PSME4: variants seen among roughly 807,000 people sequenced by gnomAD.
The protein encoded by PSME4 is proteasome activator complex subunit 4.
PSME4 carries 89 observed loss-of-function variants against 253.9 expected under a neutral mutation model. That is an observed-to-expected ratio of 0.35 (90% CI 0.30 to 0.42). The LOEUF is 0.42. Ranked by LOEUF, PSME4 falls within the 10% of genes least tolerant of loss-of-function variation. The pLI is 1.00. For missense variants in PSME4, 2,014 were observed against 2,195.2 expected (o/e 0.92, Z 1.65); for synonymous variants, 851 against 759.2 (o/e 1.12, Z -1.99).
At chr2:53,948,869 A>G (rs540369588) in intron 2 of PSME4, among the ~76,000 whole-genome samples, 44 of 152,342 alleles carry the variant, frequency 2.9e-4, no homozygotes, top group African/African-American at 8.9e-4. Flanking sequence ...AAAAGAATCC[A>G]TGATCTTTGT....
chr2:53,927,596 AAC>A, intron 11 of PSME4, 113 bp from the exon 12 acceptor site: 1 of 809,918 alleles, frequency 1.2e-6, no homozygotes, highest in East Asian at 2.4e-5. Context: ...AAAATCCCAC[AAC>A]AGTTTTTCTG....
chr2:53,921,846 C>T (rs1328696881), intron 17 of PSME4, among the ~76,000 whole-genome samples: 2 of 116,556 alleles, frequency 1.7e-5, no homozygotes, highest in African/African-American at 6.1e-5. Flanking sequence ...CCAGCCTGGG[C>T]GACAGAGCGA....
In PSME4 at chr2:53,920,184, A is replaced by G; in HGVS notation, c.2420+9T>C. ...AACTGAATAACTCTAATTATAAAATAAAACCAACCTAGACATTTCAAGTTT... is the reference window on the plus strand; with the variant it reads ...AACTGAATAACTCTAATTATAAAATGAAACCAACCTAGACATTTCAAGTTT... On this transcript the variant is annotated intron_variant, in intron 19 of 46. Coordinates refer to ENST00000404125, the MANE Select transcript of PSME4 (RefSeq NM_014614.3). The G allele has an allele frequency of 6.3e-7, 1 of 1,588,738 alleles. No homozygotes were observed. Among genetic ancestry groups the G allele is most frequent in the South Asian group, 1.2e-5 (1 of 86,504 alleles).
Position 53,895,584 on chromosome 2 carries a change from T to G in PSME4, c.3841A>C (p.Lys1281Gln), listed in dbSNP as rs768669920. 6 of 1,606,962 alleles carry G rather than the reference T, an allele frequency of 3.7e-6. No individual in the cohort carries two copies. The African/African-American group carries it at 8.0e-5, about 22-fold the overall frequency. The change falls in exon 33 of 47, where the codon AAG becomes CAG. Residue 1281 changes from lysine to glutamine, a missense_variant and splice_region_variant. This residue lies in a region of PSME4 where 989 missense variants were observed against 1,021.1 expected (regional missense o/e 0.97). Coordinates refer to ENST00000404125, the MANE Select transcript of PSME4 (RefSeq NM_014614.3). ...TAAGGTGCACAGTAAGTTACTTACT[T>G]TGGCCAGGTGTAGTATCCCCAGTGA... ...KTHWGYYTWP[K>Q]NMVVYAGVEE...
chr2:53,900,751 G>C (rs990703412), intron 28 of PSME4, among the ~76,000 whole-genome samples: 1 of 152,142 alleles, frequency 6.6e-6, no homozygotes, highest in Non-Finnish European at 1.5e-5. Context: ...AATACATTTA[G>C]AACAGTGGTT....
At chr2:53,908,039 C>A in intron 24 of PSME4, 1 of 322,254 alleles carries the variant, frequency 3.1e-6, no homozygotes, top group Non-Finnish European at 5.6e-6. Context: ...TTTTAAATTC[C>A]TTCAAGTTCT....
chr2:53,903,885 T>G (rs932320430), intron 27 of PSME4, 140 bp downstream of exon 27: 6 of 659,184 alleles, frequency 9.1e-6, no homozygotes, highest in Non-Finnish European at 7.6e-6. Flanking sequence ...AAAGAACAGA[T>G]ATGCGATAAA....
At chr2:53,963,447 A>G (rs546073482) in intron 1 of PSME4, among the ~76,000 whole-genome samples, 7 of 152,142 alleles carry the variant, frequency 4.6e-5, no homozygotes, top group Non-Finnish European at 1.0e-4. Flanking sequence ...GCACTCAAAA[A>G]ATTGTGTTCA....
intron 14 of PSME4, among the ~76,000 whole-genome samples, chr2:53,923,913 CAAAAAAAAA>C (rs199929436): frequency 0.066 from 6,306 of 96,024 alleles, 44 homozygotes; most frequent in East Asian, 0.11. Flanking sequence ...ACAGAGTTAA[CAAAAAAAAA>C]AAAAAAAAAA....
intron 41 of PSME4, among the ~76,000 whole-genome samples, chr2:53,881,221 G>A (rs1679375888): frequency 6.6e-6 from 1 of 152,084 alleles, no homozygotes; most frequent in South Asian, 2.1e-4. Flanking sequence ...GAAAAAAATA[G>A]TTTTTCTAAA....
chr2:53,920,298 G>T lies in PSME4; in HGVS notation c.2315C>A (p.Pro772His). 1 of 1,613,784 alleles carries T rather than the reference G, an allele frequency of 6.2e-7. No homozygotes were observed. Among genetic ancestry groups the T allele is most frequent in the Non-Finnish European group, 8.5e-7 (1 of 1,179,796 alleles). The change falls in exon 19 of 47, where the codon CCT becomes CAT. Residue 772 changes from proline (P) to histidine (H), a missense_variant. Physicochemically the swap from Pro to His is moderately conservative, Grantham distance 77 (BLOSUM62 -2). Around this residue, in one of 4 missense-constraint regions of PSME4, gnomAD observed 989 missense variants for 1,021.1 expected, o/e 0.97. Coordinates refer to ENST00000404125, the MANE Select transcript of PSME4 (RefSeq NM_014614.3). The stretch of plus-strand genomic sequence containing the variant: ...GGCAAAAGACACTTCTTCTGAAGAA[G>T]GAACATGCCACTGGATTCCCAGATT... ...LWNLGIQWHV[P>H]SSEEVSFAFY...
chr2:53,931,229 A>T, intron 10 of PSME4, among the ~76,000 whole-genome samples: 1 of 152,052 alleles, frequency 6.6e-6, no homozygotes, highest in East Asian at 1.9e-4. Context: ...GTGAGCCAAG[A>T]TTTGCACTCC....
At position 53,937,529 on chromosome 2, in the gene PSME4, G is replaced by A; in HGVS notation, c.557C>T (p.Ala186Val). The change falls in exon 5 of 47, where the codon GCA becomes GTA. Residue 186 changes from alanine to valine, a missense_variant. Ala to Val is a moderately conservative substitution (Grantham distance 64). This residue lies in a region of PSME4 where 615 missense variants were observed against 594.4 expected (regional missense o/e 1.03). Coordinates refer to ENST00000404125, the MANE Select transcript of PSME4 (RefSeq NM_014614.3). ...TTCTAGCATCTCAGCGGTGGCATCT[G>A]CTGGAAAATATCTAATAAAAAAAGA... Reference protein sequence around the residue: ...LVKSCRPYFPADATAEMLEEW... With the variant: ...LVKSCRPYFPVDATAEMLEEW... 6.2e-7 allele frequency: 1 copy of A among 1,608,752 alleles called. No homozygotes were observed. The highest frequency in any genetic ancestry group is 1.7e-5 in the Admixed American group (1 of 58,168).
intron 42 of PSME4, among the ~76,000 whole-genome samples, chr2:53,874,970 A>T (rs1307707126): frequency 6.6e-6 from 1 of 152,132 alleles, no homozygotes; most frequent in Non-Finnish European, 1.5e-5. Context: ...AACCCACACA[A>T]AGGTAAAAGT....
chr2:53,947,906 C>T (rs917477366), intron 3 of PSME4, among the ~76,000 whole-genome samples: 1 of 151,512 alleles, frequency 6.6e-6, no homozygotes, highest in Non-Finnish European at 1.5e-5. Context: ...ATCCCAGCTG[C>T]TCGGGAGGCT....
At chr2:53,875,522 T>C (rs1679078423) in intron 42 of PSME4, 105 bp downstream of exon 42, 30 of 1,150,426 alleles carry the variant, frequency 2.6e-5, no homozygotes, top group Non-Finnish European at 3.6e-5. Flanking sequence ...TAAAAGAAAA[T>C]TCAAAACAAA....
At chr2:53,872,983 G>C (rs1678955915) in intron 43 of PSME4, among the ~76,000 whole-genome samples, 1 of 151,946 alleles carries the variant, frequency 6.6e-6, no homozygotes. Flanking sequence ...GCTCACGACT[G>C]TAATCCCAGC....
intron 21 of PSME4, among the ~76,000 whole-genome samples, chr2:53,909,474 TAAATGAGCATTATGATATATAA>T (rs978135130): frequency 6.6e-6 from 1 of 152,174 alleles, no homozygotes; most frequent in Non-Finnish European, 1.5e-5. Flanking sequence ...ATTTTAAACA[TAAATGAGCATTATGATATATAA>T]AAGCCTACCT....
Position 53,864,273 on chromosome 2 carries a change from G to A in PSME4, c.*1305C>T. 6.6e-6 allele frequency: 1 copy of A among 152,398 alleles called. No individual in the cohort carries two copies. Among genetic ancestry groups the A allele is most frequent in the Non-Finnish European group, 1.5e-5 (1 of 68,040 alleles). 9.4% of individuals were successfully genotyped at this position (152,398 alleles called of 1,614,324 possible). On this transcript the variant is annotated 3_prime_UTR_variant, in exon 47 of 47. Coordinates refer to ENST00000404125, the MANE Select transcript of PSME4 (RefSeq NM_014614.3). ...GTTCCTTTAAGGAAGACTGTACAGGGTGTGTTGCAAGATGACATTCACCAA... is the reference window on the plus strand; with the variant it reads ...GTTCCTTTAAGGAAGACTGTACAGGATGTGTTGCAAGATGACATTCACCAA...
Sources: gnomAD v4.1 joint callset for allele counts (sites outside exome capture counted in the v4.1 genomes callset) on GRCh38, gnomAD v4.1.1 for gene constraint, gnomAD v4.1.1 regional missense constraint, MANE v1.5 for transcripts, NCBI Gene and HGNC (gene_info 2026-07-23, HGNC 2026-07-21) for gene names.